SHANK2: variants seen among roughly 807,000 people sequenced by gnomAD.
SHANK2 encodes the protein SH3 and multiple ankyrin repeat domains 2.
Under a neutral mutation model 133.7 loss-of-function variants are expected in SHANK2, and 43 were observed. The observed-to-expected ratio is 0.32, with a 90% confidence interval of 0.25 to 0.41. The LOEUF (loss-of-function observed/expected upper bound fraction) is 0.41, where lower values mean the gene tolerates loss of function less well. Ranked by LOEUF, SHANK2 falls within the 10% of genes least tolerant of loss-of-function variation. SHANK2 has a pLI of 1.00. For missense variants in SHANK2, 1,994 were observed against 2,235.8 expected, an observed-to-expected ratio of 0.89 and a Z score of 2.18; for synonymous variants, 1,017 against 952.8, an observed-to-expected ratio of 1.07 and a Z score of -1.24.
chr11:70,903,035 G>T lies in SHANK2; in HGVS notation c.1108-6468C>A, dbSNP rs180954052. Reference sequence around the variant, plus strand: ...GTTTCCATCTATTCTCCCAACTCAAGAATTGACAACCATCTCCTCCTTAGC... The same window carrying T: ...GTTTCCATCTATTCTCCCAACTCAATAATTGACAACCATCTCCTCCTTAGC... On this transcript the variant is annotated intron_variant, in intron 10 of 25. Transcript: ENST00000601538. 1.8e-4 allele frequency among the ~76,000 whole-genome samples: 27 copies of T among 152,302 alleles called. No homozygotes were observed. In the East Asian group the frequency reaches 5.2e-3, roughly 29 times the overall value.
chr11:70,932,697 C>T (rs148396298), intron 10 of SHANK2, among the ~76,000 whole-genome samples: 20 of 152,268 alleles, frequency 1.3e-4, no homozygotes, highest in African/African-American at 3.4e-4. Context: ...GACCACCTGG[C>T]GGGGCAGGGG....
In SHANK2 at chr11:70,487,888, C is replaced by T. The variant is rs1453337995; in HGVS notation, c.2573-168G>A. On this transcript the variant is annotated intron_variant, in intron 24 of 25. Coordinates refer to ENST00000601538, the MANE Select transcript of SHANK2 (RefSeq NM_012309.5). The surrounding 1 kb of genome is among the most constrained non-coding windows in gnomAD (Gnocchi z 5.8). ...ATGCCGAGTGGTTAGTCACATGGCC[C>T]GTCGTGAGCCAAAGGACAAGAAAGG... Among the ~76,000 whole-genome samples the T allele has an allele frequency of 3.9e-5, 6 of 152,274 alleles. No homozygotes were observed. In the East Asian group the frequency reaches 7.7e-4, roughly 20 times the overall value.
chr11:70,569,231 G>A lies in SHANK2; in HGVS notation c.2062-66300C>T, dbSNP rs782492141. Among the ~76,000 whole-genome samples, 27 of 152,206 alleles carry A rather than the reference G, an allele frequency of 1.8e-4. No homozygotes were observed. Among genetic ancestry groups the A allele is most frequent in the Admixed American group, 5.2e-4 (8 of 15,292 alleles). ...CAGTCCCAAACCCCCGGGCCATCCC[G>A]AGCCTAAGTGTGTAGTGACCCCAGG... On this transcript the variant is annotated intron_variant, in intron 17 of 25. Transcript: ENST00000601538. This position sits in a 1 kb window ranked among gnomAD's most constrained non-coding sequence, Gnocchi z 5.1.
intron 25 of SHANK2, among the ~76,000 whole-genome samples, chr11:70,482,190 C>G (rs936841253): frequency 6.6e-6 from 1 of 152,264 alleles, no homozygotes; most frequent in African/African-American, 2.4e-5. Flanking sequence ...TAGTCCAACT[C>G]TGAGTGTAAA....
At chr11:70,717,686 C>A (rs1239424067) in intron 14 of SHANK2, among the ~76,000 whole-genome samples, 10 of 152,148 alleles carry the variant, frequency 6.6e-5, no homozygotes, top group African/African-American at 2.4e-4. Context: ...TCTTCTTGAA[C>A]CGTGAATTCT....
intron 10 of SHANK2, among the ~76,000 whole-genome samples, chr11:70,898,614 A>C (rs1949976736): frequency 6.6e-6 from 1 of 152,188 alleles, no homozygotes; most frequent in East Asian, 1.9e-4. Context: ...TGAGCGATAA[A>C]ATCAGATATT....
At chr11:70,645,486 C>T (rs1422795516) in intron 17 of SHANK2, among the ~76,000 whole-genome samples, 4 of 152,150 alleles carry the variant, frequency 2.6e-5, no homozygotes, top group African/African-American at 7.2e-5. Flanking sequence ...TCGAAAAACA[C>T]TCTGGAAAAA....
At chr11:71,119,096 G>A (rs1952036349) in intron 3 of SHANK2, 64 bp from the exon 4 acceptor site, 1 of 1,455,984 alleles carries the variant, frequency 6.9e-7, no homozygotes. Context: ...ACCCATGTGG[G>A]GCGCGTGGTC....
At chr11:71,135,816 G>A (rs371261247) in intron 3 of SHANK2, among the ~76,000 whole-genome samples, 91 of 152,082 alleles carry the variant, frequency 6.0e-4, no homozygotes, top group African/African-American at 1.9e-3. Context: ...TGGGCTCAGC[G>A]GTGGCCACGG....
At chr11:71,219,879 C>T (rs1555120732) in intron 2 of SHANK2, among the ~76,000 whole-genome samples, 1 of 151,720 alleles carries the variant, frequency 6.6e-6, no homozygotes, top group Non-Finnish European at 1.5e-5. Flanking sequence ...GCCTGGGCAA[C>T]AGAGCGAGAC....
intron 12 of SHANK2, 65 bp downstream of exon 12, chr11:70,820,299 G>A: frequency 1.7e-6 from 1 of 591,122 alleles, no homozygotes; most frequent in South Asian, 2.2e-5. Context: ...GCCACCCCAA[G>A]TTGGAGGAGC....
rs1240636878 is a variant in SHANK2 at position 71,073,142 on chromosome 11, C to A, written c.1029+2017G>T. 1.5e-4 allele frequency among the ~76,000 whole-genome samples: 6 copies of A among 41,134 alleles called. 1 individual carries two copies. In the South Asian group the frequency reaches 6.8e-3, roughly 47 times the overall value. 27.0% of individuals were successfully genotyped at this position (41,134 alleles called of 152,430 possible). On this transcript the variant is annotated intron_variant, in intron 9 of 25. Coordinates refer to ENST00000601538, the MANE Select transcript of SHANK2 (RefSeq NM_012309.5). Reference sequence around the variant, plus strand: ...CTTGCTTTTTGTTTTTTTTCTTTTTCTTTTCTTTTTTTTCTTTTTTTTCTT... The same window carrying A: ...CTTGCTTTTTGTTTTTTTTCTTTTTATTTTCTTTTTTTTCTTTTTTTTCTT...
chr11:70,746,923 A>T (rs1400934189), intron 14 of SHANK2, among the ~76,000 whole-genome samples: 1 of 144,032 alleles, frequency 6.9e-6, no homozygotes, highest in Admixed American at 6.9e-5. Context: ...GCTTCCCTCC[A>T]CCGCTGTACT....
At chr11:70,729,748 T>C (rs1946246144) in intron 14 of SHANK2, among the ~76,000 whole-genome samples, 1 of 151,526 alleles carries the variant, frequency 6.6e-6, no homozygotes, top group Non-Finnish European at 1.5e-5. Context: ...TTAGCCAGGA[T>C]GGTCTCGATC....
At chr11:71,181,307 C>T (rs1478936597) in intron 2 of SHANK2, among the ~76,000 whole-genome samples, 1 of 152,058 alleles carries the variant, frequency 6.6e-6, no homozygotes, top group Non-Finnish European at 1.5e-5. Context: ...TGCAAAGAAG[C>T]CACTGGGTAA....
chr11:70,585,125 G>A (rs183245426), intron 17 of SHANK2, among the ~76,000 whole-genome samples: 11 of 152,326 alleles, frequency 7.2e-5, no homozygotes, highest in East Asian at 1.9e-4. Context: ...GCCACAGCAC[G>A]CCCACTCTGG....
chr11:70,636,438 T>C (rs1591683007), intron 17 of SHANK2, among the ~76,000 whole-genome samples: 2 of 151,890 alleles, frequency 1.3e-5, no homozygotes, highest in Admixed American at 1.3e-4. Flanking sequence ...TGTGTGAGCA[T>C]ATGAATATGT....
chr11:70,785,630 G>C (rs772464146), intron 14 of SHANK2, among the ~76,000 whole-genome samples: 3 of 152,214 alleles, frequency 2.0e-5, no homozygotes, highest in Non-Finnish European at 4.4e-5. Context: ...CTGTCAGTGG[G>C]GTGAAGGGAG....
At chr11:71,172,630 A>G (rs1555112444) in intron 2 of SHANK2, among the ~76,000 whole-genome samples, 1 of 151,872 alleles carries the variant, frequency 6.6e-6, no homozygotes, top group African/African-American at 2.4e-5. Context: ...AGAAAAAAGA[A>G]AAGAAAAGAA....
Sources: gnomAD v4.1 joint callset for allele counts (sites outside exome capture counted in the v4.1 genomes callset) on GRCh38, gnomAD v4.1.1 for gene constraint, Gnocchi (gnomAD v3.1) non-coding constraint, MANE v1.5 for transcripts, NCBI Gene and HGNC (gene_info 2026-07-23, HGNC 2026-07-21) for gene names.